The following SLC25A46 variants were observed in gnomAD, a reference collection of about 807,000 sequenced individuals.
The protein encoded by SLC25A46 is mitochondrial outer membrane protein SLC25A46.
A neutral mutation model predicts 44.6 loss-of-function variants in SLC25A46; 39 were observed. That is an observed-to-expected ratio of 0.87 (90% CI 0.68 to 1.14). The LOEUF is 1.14. SLC25A46 is among the 50% of genes most tolerant of loss of function. The pLI is 0.00. For synonymous variants in SLC25A46, 202 were observed against 185.8 expected, an observed-to-expected ratio of 1.09 and a Z score of -0.71; for missense variants, 547 against 522.7, an observed-to-expected ratio of 1.05 and a Z score of -0.45.
At chr5:110,738,909 G>T (rs1023460884), upstream of SLC25A46, 6 of 1,322,238 alleles carry the variant, frequency 4.5e-6, no homozygotes, top group Admixed American at 1.8e-4. Context: ...GGTTACCGCC[G>T]CGTCTCCCTA....
upstream of SLC25A46, chr5:110,738,148 C>T: frequency 8.9e-7 from 1 of 1,126,060 alleles, no homozygotes; most frequent in South Asian, 1.5e-5. Flanking sequence ...GAATCCTGGG[C>T]TTCCAACGAG....
Position 110,761,257 on chromosome 5 carries a change from T to C in SLC25A46, c.732T>C (p.Ile244=). ...TTTTGGAGTGTGTTAAAGAAGGAAT[T>C]GGAAGAGTGATAGGCATGGGAGTGC... ...TGILECVKEG[I]GRVIGMGVPH... Residue 244 remains isoleucine (I), a synonymous_variant, in exon 8 of 8, where the codon ATT becomes ATC. Transcript: ENST00000355943. This position sits in a 1 kb window ranked among gnomAD's most constrained non-coding sequence, Gnocchi z 5.3. The C allele has an allele frequency of 1.2e-6, 2 of 1,613,406 alleles. No homozygotes were observed. Among genetic ancestry groups the C allele is most frequent in the South Asian group, 2.2e-5 (2 of 91,016 alleles).
intron 5 of SLC25A46, among the ~76,000 whole-genome samples, chr5:110,752,054 C>A (rs1799978878): frequency 6.6e-6 from 1 of 152,114 alleles, no homozygotes; most frequent in African/African-American, 2.4e-5. Context: ...ACAGAAGCTA[C>A]TACATGAGGA....
At position 110,763,380 on chromosome 5, in the gene SLC25A46, G is replaced by C. The variant is rs770434608; in HGVS notation, c.*1598G>C. ...AACAGTAATAAGTAGCAAATCTCTC[G>C]TGTGTGTGTGTGTGTAGTTACTGAA... On this transcript the variant is annotated 3_prime_UTR_variant, in exon 8 of 8. Transcript: ENST00000355943. 2 of 140,044 alleles carry C rather than the reference G, an allele frequency of 1.4e-5. No homozygotes were observed. The highest frequency in any genetic ancestry group is 3.0e-5 in the Non-Finnish European group (2 of 67,216). The allele number at this position is 140,044 out of a possible 1,614,324, so 8.7% of individuals were successfully genotyped here. A position where few individuals can be genotyped will look rare whatever the true frequency, so the allele number is the denominator to read the frequency against.
chr5:110,749,966 TG>T (rs1382701491), intron 5 of SLC25A46, among the ~76,000 whole-genome samples: 1 of 152,200 alleles, frequency 6.6e-6, no homozygotes, highest in Admixed American at 6.5e-5. Context: ...TGGAATGGTT[TG>T]TTAATCCAAA....
intron 5 of SLC25A46, among the ~76,000 whole-genome samples, chr5:110,750,220 G>A (rs1005647916): frequency 5.9e-5 from 9 of 151,660 alleles, no homozygotes; most frequent in Non-Finnish European, 1.3e-4. Flanking sequence ...GATTAGAAAG[G>A]TCAGCAACAT....
chr5:110,757,150 G>T (rs1800137796), intron 7 of SLC25A46: 1 of 155,750 alleles, frequency 6.4e-6, no homozygotes, highest in Admixed American at 6.5e-5. Context: ...ATAATCATCC[G>T]AACAGGAAGC....
At chr5:110,750,140 G>A (rs1357993422) in intron 5 of SLC25A46, among the ~76,000 whole-genome samples, 1 of 151,750 alleles carries the variant, frequency 6.6e-6, no homozygotes, top group Non-Finnish European at 1.5e-5. Context: ...CAATGTGATT[G>A]CTTTTGAAGG....
chr5:110,761,773 T>TAACA lies in SLC25A46; in HGVS notation c.1249_1252dup (p.Ile418LysfsTer10). ...TTATTTACTCTACACTTCTTCAAAA[T>TAACA]AACATTTGAGATTTAGGTTCCTTCA... On this transcript the variant is annotated frameshift_variant, in exon 8 of 8. Transcript: ENST00000355943. LOFTEE classifies it high-confidence loss of function. This position sits in a 1 kb window ranked among gnomAD's most constrained non-coding sequence, Gnocchi z 5.3. 1 of 1,606,566 alleles carries TAACA rather than the reference T, an allele frequency of 6.2e-7. No homozygotes were observed.
At chr5:110,747,595 A>C (rs1799852547) in intron 4 of SLC25A46, among the ~76,000 whole-genome samples, 1 of 152,108 alleles carries the variant, frequency 6.6e-6, no homozygotes, top group South Asian at 2.1e-4. Context: ...CAAAGGGGCA[A>C]AACCAGAGAC....
intron 5 of SLC25A46, chr5:110,754,765 T>C (rs915967555): frequency 6.6e-5 from 10 of 152,136 alleles, no homozygotes; most frequent in African/African-American, 2.2e-4. Context: ...TCAAATAAGA[T>C]GAGAGGCAGT....
chr5:110,741,998 T>C, intron 1 of SLC25A46, 49 bp from the exon 2 acceptor site: 2 of 1,253,734 alleles, frequency 1.6e-6, no homozygotes. Context: ...TTGTCAGTAA[T>C]TGGTTATCAG....
chr5:110,763,231 T>G lies in SLC25A46; in HGVS notation c.*1449T>G, dbSNP rs80177990. The G allele has an allele frequency of 6.6e-6, 1 of 152,078 alleles. No individual in the cohort carries two copies. The highest frequency in any genetic ancestry group is 1.9e-4 in the East Asian group (1 of 5,176). 9.4% of individuals were successfully genotyped at this position (152,078 alleles called of 1,614,324 possible). ...GCTCTGAAGCACAGTGACTTTGCACTGATATTGTCCAACCAAGAATGCATA... is the reference window on the plus strand; with the variant it reads ...GCTCTGAAGCACAGTGACTTTGCACGGATATTGTCCAACCAAGAATGCATA... On this transcript the variant is annotated 3_prime_UTR_variant, in exon 8 of 8. Coordinates refer to ENST00000355943, the MANE Select transcript of SLC25A46 (RefSeq NM_138773.4).
chr5:110,753,118 A>G (rs1800009870), intron 5 of SLC25A46, among the ~76,000 whole-genome samples: 2 of 152,166 alleles, frequency 1.3e-5, no homozygotes, highest in Non-Finnish European at 2.9e-5. Flanking sequence ...ATCAGATTTA[A>G]TGACATGCAG....
chr5:110,747,531 T>C (rs1024509084), intron 4 of SLC25A46, among the ~76,000 whole-genome samples: 4 of 152,010 alleles, frequency 2.6e-5, no homozygotes, highest in African/African-American at 9.7e-5. Context: ...TGTATATCTA[T>C]TAATAATATA....
At chr5:110,741,961 T>A (rs1040194781) in intron 1 of SLC25A46, 86 bp from the exon 2 acceptor site, 16 of 928,652 alleles carry the variant, frequency 1.7e-5, no homozygotes, top group African/African-American at 6.8e-5. Context: ...ATAAATTTTT[T>A]AAAATTGTTT....
At position 110,739,197 on chromosome 5, in the gene SLC25A46, C is replaced by T. The variant is rs2150404110; in HGVS notation, c.78C>T (p.Gly26=). 2 of 1,559,084 alleles carry T rather than the reference C, an allele frequency of 1.3e-6. No homozygotes were observed. The highest frequency in any genetic ancestry group is 2.4e-5 in the South Asian group (2 of 84,690). Residue 26 remains glycine, a synonymous_variant, in exon 1 of 8, where the codon GGC becomes GGT. Coordinates refer to ENST00000355943, the MANE Select transcript of SLC25A46 (RefSeq NM_138773.4). ...GGARDEQGFG[G]AFPARSFSTG... ...CCCGGGACGAGCAGGGCTTTGGCGG[C>T]GCCTTCCCTGCAAGGTCCTTCAGCA...
At chr5:110,760,497 G>C (rs1450710669) in intron 7 of SLC25A46, among the ~76,000 whole-genome samples, 3 of 152,068 alleles carry the variant, frequency 2.0e-5, no homozygotes, top group African/African-American at 4.8e-5. Flanking sequence ...AGTCTCTAAG[G>C]CATGATATAG....
chr5:110,743,497 T>C (rs1466610701), intron 2 of SLC25A46, among the ~76,000 whole-genome samples: 1 of 152,084 alleles, frequency 6.6e-6, no homozygotes, highest in Non-Finnish European at 1.5e-5. Flanking sequence ...TTGTTTCCCT[T>C]ATTTACTAGT....
Sources: gnomAD v4.1 joint callset for allele counts (sites outside exome capture counted in the v4.1 genomes callset) on GRCh38, gnomAD v4.1.1 for gene constraint, Gnocchi (gnomAD v3.1) non-coding constraint, MANE v1.5 for transcripts, NCBI Gene and HGNC (gene_info 2026-07-23, HGNC 2026-07-21) for gene names.